Variants in PTPRJ observed in about 807,000 individuals in gnomAD.
The protein encoded by PTPRJ is protein tyrosine phosphatase receptor type J.
A neutral mutation model predicts 141.3 loss-of-function variants in PTPRJ; 129 were observed. That is an observed-to-expected ratio of 0.91 (90% CI 0.79 to 1.06). The LOEUF (loss-of-function observed/expected upper bound fraction) is 1.06, where lower values mean the gene tolerates loss of function less well. Among genes scored for constraint, PTPRJ ranks in the 50% least tolerant of loss-of-function variants. PTPRJ has a pLI of 0.00. For missense variants in PTPRJ, 1,601 were observed against 1,679.7 expected, an observed-to-expected ratio of 0.95 and a Z score of 0.82; for synonymous variants, 610 against 640.5, an observed-to-expected ratio of 0.95 and a Z score of 0.72.
At chr11:47,998,621 G>C (rs1854406200) in intron 1 of PTPRJ, among the ~76,000 whole-genome samples, 1 of 152,186 alleles carries the variant, frequency 6.6e-6, no homozygotes, top group South Asian at 2.1e-4. Flanking sequence ...AAATACCTTA[G>C]AGGATTGTGA....
intron 1 of PTPRJ, among the ~76,000 whole-genome samples, chr11:48,105,930 C>T (rs749317992): frequency 6.6e-6 from 1 of 152,166 alleles, no homozygotes; most frequent in Non-Finnish European, 1.5e-5. Context: ...CTCGCTGCTG[C>T]TACCCCAGGA....
intron 3 of PTPRJ, among the ~76,000 whole-genome samples, chr11:48,113,958 G>A (rs188314865): frequency 3.0e-4 from 46 of 152,242 alleles, no homozygotes; most frequent in Admixed American, 2.2e-3. Context: ...AGAATTACTT[G>A]TCTAAAAGCA....
chr11:48,147,091 T>TTC (rs1227706174), intron 15 of PTPRJ, 128 bp downstream of exon 15: 9 of 833,046 alleles, frequency 1.1e-5, no homozygotes, highest in Non-Finnish European at 1.8e-5. Flanking sequence ...ACCCATAGTG[T>TTC]TCTGCATTTG....
At chr11:48,159,161 G>GTGTGTTTGTGTGTA (rs60389100) in intron 21 of PTPRJ, among the ~76,000 whole-genome samples, 1 of 130,520 alleles carries the variant, frequency 7.7e-6, no homozygotes, top group Non-Finnish European at 1.6e-5. Context: ...GTGTGTGTGT[G>GTGTGTTTGTGTGTA]GTCATTTGCC....
chr11:48,078,063 C>CTT (rs1278824418), intron 1 of PTPRJ, among the ~76,000 whole-genome samples: 2 of 141,484 alleles, frequency 1.4e-5, no homozygotes, highest in African/African-American at 5.2e-5. Flanking sequence ...TTTTCTTTTT[C>CTT]TTTTTTTTTT....
chr11:48,005,778 C>T (rs749835752), intron 1 of PTPRJ, among the ~76,000 whole-genome samples: 2 of 152,238 alleles, frequency 1.3e-5, no homozygotes, highest in African/African-American at 2.4e-5. Context: ...GTGTGTCTGC[C>T]CTTACTGGGC....
At chr11:48,142,057 T>TTTC (rs397717504) in intron 11 of PTPRJ, among the ~76,000 whole-genome samples, 1 of 28 alleles carries the variant, frequency 0.036, no homozygotes, top group East Asian at 0.5. Flanking sequence ...AGTTTTATTA[T>TTTC]GCTCACGGAT....
chr11:48,011,313 G>A (rs1296178019), intron 1 of PTPRJ, among the ~76,000 whole-genome samples: 2 of 152,164 alleles, frequency 1.3e-5, no homozygotes, highest in Non-Finnish European at 2.9e-5. Flanking sequence ...GTGTTGTGCT[G>A]ATGGTAAGAT....
chr11:48,114,429 C>CA (rs71045544), intron 3 of PTPRJ, among the ~76,000 whole-genome samples: 699 of 68,734 alleles, frequency 0.01, 100 homozygotes, highest in African/African-American at 0.042. Context: ...GACTCTGTCT[C>CA]AAAAAAAAAA....
At chr11:48,124,834 G>A (rs771391422) in intron 5 of PTPRJ, 134 bp from the exon 6 acceptor site, 251 of 782,150 alleles carry the variant, frequency 3.2e-4, no homozygotes, top group Non-Finnish European at 5.2e-4. Context: ...GGAGGAGGAA[G>A]GGAGCAGATA....
chr11:48,022,103 A>C (rs1264227583), intron 1 of PTPRJ, among the ~76,000 whole-genome samples: 2 of 152,202 alleles, frequency 1.3e-5, no homozygotes, highest in Non-Finnish European at 2.9e-5. Flanking sequence ...TGGGAATTAA[A>C]TGTGTTAGTC....
Position 48,144,999 on chromosome 11 carries a change from G to C in PTPRJ, c.2787-1G>C. The C allele has an allele frequency of 6.2e-7, 1 of 1,614,154 alleles. No individual in the cohort carries two copies. The highest frequency in any genetic ancestry group is 8.5e-7 in the Non-Finnish European group (1 of 1,180,022). On this transcript the variant is annotated splice_acceptor_variant, in intron 13 of 24. Transcript: ENST00000418331. LOFTEE classifies it high-confidence loss of function. ...TCTTTTTGCTCTTTGTTATCCCACA[G>C]GGCTTGTGTGGCTGGCTTCACCAAC...
At chr11:48,096,757 A>G (rs1472901265) in intron 1 of PTPRJ, 1 of 152,216 alleles carries the variant, frequency 6.6e-6, no homozygotes, top group African/African-American at 2.5e-5. Context: ...AGTAGTTCTC[A>G]AACTTTGGAG....
At chr11:48,036,475 A>G (rs1854125489) in intron 1 of PTPRJ, among the ~76,000 whole-genome samples, 1 of 152,156 alleles carries the variant, frequency 6.6e-6, no homozygotes, top group Non-Finnish European at 1.5e-5. Context: ...TATTTTTTAA[A>G]TCCCTTTCAA....
At chr11:48,021,948 G>T (rs916894440) in intron 1 of PTPRJ, among the ~76,000 whole-genome samples, 4 of 152,116 alleles carry the variant, frequency 2.6e-5, no homozygotes, top group Non-Finnish European at 5.9e-5. Flanking sequence ...AGAAACATGG[G>T]CATGGAGCCT....
intron 1 of PTPRJ, among the ~76,000 whole-genome samples, chr11:48,011,916 G>C (rs1413586000): frequency 6.6e-6 from 1 of 152,136 alleles, no homozygotes; most frequent in Non-Finnish European, 1.5e-5. Context: ...CTCCTGTCTT[G>C]GCCTCCCAAA....
At chr11:48,089,602 T>C (rs185919895) in intron 1 of PTPRJ, among the ~76,000 whole-genome samples, 29 of 151,848 alleles carry the variant, frequency 1.9e-4, no homozygotes, top group African/African-American at 7.0e-4. Flanking sequence ...CCATTGTTAA[T>C]GGTTGTGTGT....
chr11:47,988,211 A>G (rs1230932693), intron 1 of PTPRJ, among the ~76,000 whole-genome samples: 3 of 152,116 alleles, frequency 2.0e-5, no homozygotes, highest in Non-Finnish European at 4.4e-5. Context: ...CTTGGGGGGG[A>G]AAAGAAGAGA....
At chr11:48,139,443 C>G in intron 10 of PTPRJ, 43 bp from the exon 11 acceptor site, 1 of 1,595,154 alleles carries the variant, frequency 6.3e-7, no homozygotes, top group Non-Finnish European at 8.6e-7. Flanking sequence ...TTTGCAAAGG[C>G]AAAAGTCCCG....
Sources: gnomAD v4.1 joint callset for allele counts (sites outside exome capture counted in the v4.1 genomes callset) on GRCh38, gnomAD v4.1.1 for gene constraint, MANE v1.5 for transcripts, NCBI Gene and HGNC (gene_info 2026-07-23, HGNC 2026-07-21) for gene names.